The following TGS1 variants were observed in gnomAD, a reference collection of about 807,000 sequenced individuals.
TGS1 encodes the protein trimethylguanosine synthase 1, also known as trimethylguanosine synthase.
TGS1 carries 69 observed loss-of-function variants against 92.2 expected under a neutral mutation model. That is an observed-to-expected ratio of 0.75 (90% confidence interval 0.62 to 0.91). The LOEUF is 0.91. Among genes scored for constraint, TGS1 ranks in the 40% least tolerant of loss-of-function variants. The probability of loss-of-function intolerance (pLI) is 0.00; values close to 1 mark genes in which losing one functional copy is unlikely to be tolerated. For missense variants in TGS1, 1,062 were observed against 1,001.2 expected (o/e 1.06, Z -0.82); for synonymous variants, 345 against 338.1 (o/e 1.02, Z -0.22).
chr8:55,819,656 A>G lies in TGS1; in HGVS notation c.2440-4925A>G, dbSNP rs145026865. Among the ~76,000 whole-genome samples the G allele has an allele frequency of 3.7e-4, 56 of 152,140 alleles. No homozygotes were observed. In the East Asian group the frequency reaches 9.6e-3, roughly 26 times the overall value. On this transcript the variant is annotated intron_variant, in intron 12 of 12. Coordinates refer to ENST00000260129, the MANE Select transcript of TGS1 (RefSeq NM_024831.8). ...GCTCCTGTTGATGATGGTGGCTTTA[A>G]GATTTATTTACGGAAGCATAGAAAT...
Position 55,805,962 on chromosome 8 carries a change from G to C in TGS1, c.2143+926G>C, listed in dbSNP as rs566298260. 5.8e-5 allele frequency among the ~76,000 whole-genome samples: 6 copies of C among 103,760 alleles called. No homozygotes were observed. In the East Asian group the frequency reaches 1.0e-3, roughly 18 times the overall value. The allele number at this position is 103,760 out of a possible 152,430, so 68.1% of individuals were successfully genotyped here. ...CTATAGTCCCAGCTACTCAGGCTGA[G>C]ATGAGAGGATGACCTGAGCCCAGAA... On this transcript the variant is annotated intron_variant, in intron 10 of 12. Transcript: ENST00000260129.
At chr8:55,780,722 A>G (rs1811537407) in intron 1 of TGS1, among the ~76,000 whole-genome samples, 1 of 152,090 alleles carries the variant, frequency 6.6e-6, no homozygotes. Flanking sequence ...CTCCTACTGC[A>G]TTTATTAGTT....
At chr8:55,806,858 G>T (rs978309925) in intron 10 of TGS1, among the ~76,000 whole-genome samples, 2 of 151,912 alleles carry the variant, frequency 1.3e-5, no homozygotes, top group African/African-American at 2.4e-5. Flanking sequence ...CAGTGGACAG[G>T]GACTTTGGCA....
At chr8:55,824,216 G>GA (rs768974479) in intron 12 of TGS1, among the ~76,000 whole-genome samples, 7 of 152,116 alleles carry the variant, frequency 4.6e-5, no homozygotes, top group Non-Finnish European at 1.0e-4. Context: ...AACACAGTGA[G>GA]ACCCTGCCTC....
chr8:55,819,490 G>T (rs1356802160), intron 12 of TGS1, among the ~76,000 whole-genome samples: 1 of 150,408 alleles, frequency 6.6e-6, no homozygotes, highest in Non-Finnish European at 1.5e-5. Flanking sequence ...TAGAGACGGG[G>T]TTTCTCCATG....
Position 55,790,177 on chromosome 8 carries a change from T to G in TGS1, c.1163-5T>G. The G allele has an allele frequency of 6.2e-7, 1 of 1,609,888 alleles. No homozygotes were observed. Among genetic ancestry groups the G allele is most frequent in the Non-Finnish European group, 8.5e-7 (1 of 1,176,700 alleles). On this transcript the variant is annotated splice_polypyrimidine_tract_variant and splice_region_variant and intron_variant, in intron 4 of 12. Coordinates refer to ENST00000260129, the MANE Select transcript of TGS1 (RefSeq NM_024831.8). ...AAAGCTACTGCAATATTTCTGCCTC[T>G]TTAGATTCACAGAAGTCTTCAGGAG...
chr8:55,821,737 G>C (rs1803642640), intron 12 of TGS1, among the ~76,000 whole-genome samples: 1 of 151,882 alleles, frequency 6.6e-6, no homozygotes, highest in Non-Finnish European at 1.5e-5. Context: ...GCCGGGTGTG[G>C]TGGCGGGCGC....
chr8:55,816,340 C>T (rs1245381869), intron 12 of TGS1, among the ~76,000 whole-genome samples: 2 of 152,112 alleles, frequency 1.3e-5, no homozygotes, highest in East Asian at 1.9e-4. Context: ...ATGCAGGCAG[C>T]AATTATCAAA....
chr8:55,790,058 A>T, intron 4 of TGS1, 124 bp from the exon 5 acceptor site: 1 of 672,982 alleles, frequency 1.5e-6, no homozygotes, highest in Non-Finnish European at 2.6e-6. Flanking sequence ...GTGAGCTGGC[A>T]CTTTGATGCA....
At chr8:55,782,520 A>C (rs911497324) in intron 1 of TGS1, among the ~76,000 whole-genome samples, 1 of 152,336 alleles carries the variant, frequency 6.6e-6, no homozygotes, top group African/African-American at 2.4e-5. Flanking sequence ...AAATGCTACC[A>C]TGTATTAAGC....
chr8:55,808,151 A>G (rs914541950), intron 10 of TGS1, among the ~76,000 whole-genome samples: 6 of 152,132 alleles, frequency 3.9e-5, no homozygotes, highest in African/African-American at 1.2e-4. Context: ...TAATACTCCT[A>G]TGCTCCAAGG....
At chr8:55,774,152 AG>A (rs1164569826) in intron 1 of TGS1, among the ~76,000 whole-genome samples, 2 of 152,250 alleles carry the variant, frequency 1.3e-5, no homozygotes, top group African/African-American at 4.8e-5. Context: ...ACTTCAAACT[AG>A]TTGAGATAAA....
chr8:55,808,497 CTTTT>C (rs1390256252), intron 10 of TGS1, among the ~76,000 whole-genome samples: 1 of 137,804 alleles, frequency 7.3e-6, no homozygotes, highest in African/African-American at 2.7e-5. Context: ...ATAGTTCTTT[CTTTT>C]TCTTTTTTTC....
intron 5 of TGS1, among the ~76,000 whole-genome samples, chr8:55,790,520 A>G (rs1811850238): frequency 1.4e-5 from 2 of 148,088 alleles, no homozygotes; most frequent in African/African-American, 5.0e-5. Flanking sequence ...TTTTTTTTTT[A>G]AGACATGGTC....
intron 4 of TGS1, among the ~76,000 whole-genome samples, chr8:55,788,904 C>T (rs1811797112): frequency 1.3e-5 from 2 of 152,124 alleles, no homozygotes; most frequent in Admixed American, 1.3e-4. Context: ...CATTTACCCT[C>T]TTTGGTTCTC....
intron 9 of TGS1, among the ~76,000 whole-genome samples, chr8:55,803,696 T>C (rs924569644): frequency 2.0e-5 from 3 of 150,722 alleles, no homozygotes; most frequent in African/African-American, 7.3e-5. Context: ...TCTTTTCTTT[T>C]TTTTTTTATT....
At chr8:55,793,640 C>T (rs1360411028) in intron 6 of TGS1, among the ~76,000 whole-genome samples, 1 of 152,012 alleles carries the variant, frequency 6.6e-6, no homozygotes, top group African/African-American at 2.4e-5. Context: ...CGATCTCGGC[C>T]CACTGCGACA....
chr8:55,790,504 CT>C (rs34298156), intron 5 of TGS1, among the ~76,000 whole-genome samples: 119,082 of 145,442 alleles, frequency 0.82, 48,878 homozygotes, highest in African/African-American at 0.93. Flanking sequence ...AAGTACATTT[CT>C]TTTTTTTTTT....
chr8:55,817,689 G>A (rs889132698), intron 12 of TGS1, among the ~76,000 whole-genome samples: 7 of 152,118 alleles, frequency 4.6e-5, no homozygotes, highest in South Asian at 2.1e-4. Flanking sequence ...TAGCTCTCTC[G>A]TAGAGGTAGA....
Sources: gnomAD v4.1 joint callset for allele counts (sites outside exome capture counted in the v4.1 genomes callset) on GRCh38, gnomAD v4.1.1 for gene constraint, MANE v1.5 for transcripts, NCBI Gene and HGNC (gene_info 2026-07-23, HGNC 2026-07-21) for gene names.